Variants in EEIG2 observed in about 807,000 individuals in gnomAD.
EEIG2 encodes EEIG family member 2.
At chr1:108,603,701 C>G in the EEIG2 span, among the ~76,000 whole-genome samples, 1 of 152,106 alleles carries the variant, frequency 6.6e-6, no homozygotes, top group African/African-American at 2.4e-5. Flanking sequence ...TTGGAAAGAT[C>G]AAAGACAAAC....
the EEIG2 span, among the ~76,000 whole-genome samples, chr1:108,590,900 CCTTTTATTTTA>C: frequency 9.2e-5 from 14 of 152,150 alleles, no homozygotes; most frequent in African/African-American, 3.4e-4. Context: ...CCATAATTTT[CCTTTTATTTTA>C]CTTTTATTTT....
At chr1:108,576,759 G>A in the EEIG2 span, among the ~76,000 whole-genome samples, 24 of 149,698 alleles carry the variant, frequency 1.6e-4, no homozygotes, top group African/African-American at 3.4e-4. Context: ...ATAAACATAC[G>A]TGTGCATGTG....
the EEIG2 span, chr1:108,560,113 C>CGGCGGCGGA: frequency 2.3e-4 from 41 of 176,318 alleles, no homozygotes; most frequent in Non-Finnish European, 3.5e-4. Context: ...CGGGCGGCAG[C>CGGCGGCGGA]GGCGGCGGAG....
chr1:108,567,327 G>A, the EEIG2 span, among the ~76,000 whole-genome samples: 10 of 152,200 alleles, frequency 6.6e-5, no homozygotes, highest in African/African-American at 9.6e-5. Flanking sequence ...AGATATTCCC[G>A]TGAGGAAGGT....
chr1:108,631,050 GAC>G, the EEIG2 span: 1 of 272,126 alleles, frequency 3.7e-6, no homozygotes, highest in African/African-American at 2.3e-5. Flanking sequence ...GTAAGAGAGA[GAC>G]ATATAAAGCT....
chr1:108,631,299 TTG>T, the EEIG2 span, among the ~76,000 whole-genome samples: 21 of 152,360 alleles, frequency 1.4e-4, no homozygotes, highest in South Asian at 6.2e-4. Context: ...TAAAGTTTCA[TTG>T]GAACACAACC....
At chr1:108,566,634 T>A in the EEIG2 span, among the ~76,000 whole-genome samples, 1 of 152,062 alleles carries the variant, frequency 6.6e-6, no homozygotes, top group Non-Finnish European at 1.5e-5. Flanking sequence ...AACCTAAGTG[T>A]CTGTAAACAG....
At chr1:108,595,192 G>A in the EEIG2 span, among the ~76,000 whole-genome samples, 1 of 151,868 alleles carries the variant, frequency 6.6e-6, no homozygotes, top group African/African-American at 2.4e-5. Context: ...AAATGTGACA[G>A]TCATGCTGCT....
chr1:108,627,954 T>C, the EEIG2 span: 1 of 523,942 alleles, frequency 1.9e-6, no homozygotes, highest in Admixed American at 3.3e-5. Context: ...TTATGAAAAA[T>C]ATAATTCTTC....
chr1:108,577,907 G>A, the EEIG2 span, among the ~76,000 whole-genome samples: 35 of 151,610 alleles, frequency 2.3e-4, 2 homozygotes, highest in African/African-American at 7.5e-4. Context: ...CCTTTTTCAC[G>A]ATATTGATTC....
the EEIG2 span, chr1:108,637,031 G>A: frequency 1.3e-5 from 2 of 152,302 alleles, no homozygotes; most frequent in East Asian, 3.9e-4. Flanking sequence ...ACATTCATCA[G>A]ACACGTAAGA....
the EEIG2 span, among the ~76,000 whole-genome samples, chr1:108,564,495 A>G: frequency 6.6e-6 from 1 of 152,198 alleles, no homozygotes; most frequent in Non-Finnish European, 1.5e-5. Context: ...TTGTATGCTT[A>G]GCATGCTACA....
the EEIG2 span, among the ~76,000 whole-genome samples, chr1:108,589,757 CTATT>C: frequency 7.0e-6 from 1 of 142,544 alleles, no homozygotes; most frequent in Non-Finnish European, 1.5e-5. Flanking sequence ...GCTTCAGTGA[CTATT>C]TACATGCTGA....
the EEIG2 span, among the ~76,000 whole-genome samples, chr1:108,609,428 C>T: frequency 2.6e-5 from 4 of 151,990 alleles, no homozygotes; most frequent in Admixed American, 2.0e-4. Context: ...GGGTGGAAGG[C>T]GGTAACTACA....
the EEIG2 span, among the ~76,000 whole-genome samples, chr1:108,609,873 G>C: frequency 1.3e-5 from 2 of 152,162 alleles, no homozygotes; most frequent in Non-Finnish European, 2.9e-5. Context: ...CGTGGACACA[G>C]GGAGGGGATC....
chr1:108,566,488 A>G, the EEIG2 span, among the ~76,000 whole-genome samples: 1 of 152,210 alleles, frequency 6.6e-6, no homozygotes, highest in Non-Finnish European at 1.5e-5. Flanking sequence ...CATATGGCAC[A>G]GAATTATTTA....
chr1:108,586,522 C>G, the EEIG2 span, among the ~76,000 whole-genome samples: 1 of 152,124 alleles, frequency 6.6e-6, no homozygotes, highest in South Asian at 2.1e-4. Flanking sequence ...AACTTGAGCT[C>G]AGATCTGCTG....
At chr1:108,580,020 C>T in the EEIG2 span, among the ~76,000 whole-genome samples, 2 of 152,154 alleles carry the variant, frequency 1.3e-5, no homozygotes, top group Admixed American at 1.3e-4. Flanking sequence ...TCACCTAAGC[C>T]TCCCAAAGTG....
chr1:108,564,692 C>G, the EEIG2 span, among the ~76,000 whole-genome samples: 3 of 152,094 alleles, frequency 2.0e-5, no homozygotes, highest in Non-Finnish European at 1.5e-5. Context: ...CTGTAAATCC[C>G]AGCACTTTGG....
Sources: gnomAD v4.1 joint callset for allele counts (sites outside exome capture counted in the v4.1 genomes callset) on GRCh38, gnomAD v4.1.1 for gene constraint, MANE v1.5 for transcripts, NCBI Gene and HGNC (gene_info 2026-07-23, HGNC 2026-07-21) for gene names.